TECPR2: variants seen among roughly 807,000 people sequenced by gnomAD.
TECPR2 encodes tectonin beta-propeller repeat containing 2, also known as tectonin beta-propeller repeat-containing protein 2.
Under a neutral mutation model 138.1 loss-of-function variants are expected in TECPR2, and 65 were observed. That is an observed-to-expected ratio of 0.47 (90% confidence interval 0.39 to 0.58). The LOEUF (loss-of-function observed/expected upper bound fraction) is 0.58. TECPR2 is among the 20% of genes least tolerant of loss of function. The pLI is 0.00. For synonymous variants in TECPR2, 746 were observed against 749.8 expected (o/e 0.99, Z 0.08); for missense variants, 1,553 against 1,824.5 (o/e 0.85, Z 2.71).
chr14:102,487,643 A>G (rs1261553473), intron 17 of TECPR2, among the ~76,000 whole-genome samples: 8 of 151,792 alleles, frequency 5.3e-5, no homozygotes, highest in Admixed American at 2.6e-4. Context: ...CCAGGTTCAC[A>G]CCATTCTCCT....
At chr14:102,418,032 G>A (rs1420022081) in intron 5 of TECPR2, among the ~76,000 whole-genome samples, 3 of 152,164 alleles carry the variant, frequency 2.0e-5, no homozygotes, top group Non-Finnish European at 4.4e-5. Context: ...CTGGGCCAGA[G>A]GTCAGGACAT....
chr14:102,457,977 G>A (rs940769080), intron 16 of TECPR2, among the ~76,000 whole-genome samples: 19 of 146,930 alleles, frequency 1.3e-4, no homozygotes, highest in African/African-American at 3.5e-4. Context: ...AGGTTCAAGC[G>A]ATTCTCCTGC....
intron 2 of TECPR2, among the ~76,000 whole-genome samples, chr14:102,395,035 G>T (rs1390470988): frequency 6.6e-6 from 1 of 152,068 alleles, no homozygotes; most frequent in Non-Finnish European, 1.5e-5. Context: ...ATCTTCAAGG[G>T]ATCCCCCTTT....
chr14:102,467,996 C>T (rs1368616672), intron 17 of TECPR2, among the ~76,000 whole-genome samples: 1 of 146,236 alleles, frequency 6.8e-6, no homozygotes, highest in African/African-American at 2.4e-5. Context: ...GCCTCCACGC[C>T]TGGCTATTTT....
At chr14:102,438,250 C>T (rs968043884) in intron 10 of TECPR2, 45 bp downstream of exon 10, 18 of 1,565,380 alleles carry the variant, frequency 1.1e-5, no homozygotes, top group East Asian at 2.3e-5. Flanking sequence ...TCCCGCTCGC[C>T]GCTCCTGCTC....
At chr14:102,428,520 G>A (rs1889388279) in intron 7 of TECPR2, 138 bp downstream of exon 7, 1 of 1,337,732 alleles carries the variant, frequency 7.5e-7, no homozygotes, top group Non-Finnish European at 1.0e-6. Context: ...CAGCACTTTG[G>A]GAGGCTGAGG....
chr14:102,415,176 A>G lies in TECPR2; in HGVS notation c.638+383A>G, dbSNP rs1888991518. ...ACTCGTTATTCAGCACGTGTTTACC[A>G]TGCACCCCTGTGCACTGTGGCAGGC... On this transcript the variant is annotated intron_variant, in intron 5 of 19. Transcript: ENST00000359520. This position sits in a 1 kb window ranked among gnomAD's most constrained non-coding sequence, Gnocchi z 4.3. 6.6e-6 allele frequency among the ~76,000 whole-genome samples: 1 copy of G among 152,170 alleles called. No homozygotes were observed. Among genetic ancestry groups the G allele is most frequent in the Admixed American group, 6.5e-5 (1 of 15,280 alleles).
chr14:102,435,963 T>TA (rs1264764198), intron 9 of TECPR2, among the ~76,000 whole-genome samples: 1 of 152,258 alleles, frequency 6.6e-6, no homozygotes, highest in Non-Finnish European at 1.5e-5. Context: ...GCTGCGCACT[T>TA]ACAGCCACGT....
intron 16 of TECPR2, among the ~76,000 whole-genome samples, chr14:102,453,730 T>G (rs1890209787): frequency 1.3e-5 from 2 of 151,530 alleles, no homozygotes; most frequent in South Asian, 2.1e-4. Flanking sequence ...GGCTTCCCAG[T>G]TTTTTTAACT....
chr14:102,492,090 G>A (rs1025630281), intron 17 of TECPR2, among the ~76,000 whole-genome samples: 1 of 152,204 alleles, frequency 6.6e-6, no homozygotes, highest in Non-Finnish European at 1.5e-5. Context: ...GGAAAGATGT[G>A]TCCAGAATGA....
At chr14:102,374,159 C>T (rs1887584688) in intron 1 of TECPR2, among the ~76,000 whole-genome samples, 1 of 151,522 alleles carries the variant, frequency 6.6e-6, no homozygotes, top group Admixed American at 6.6e-5. Context: ...ATTATTATTC[C>T]AGCATTGAAT....
intron 5 of TECPR2, among the ~76,000 whole-genome samples, chr14:102,418,797 CGG>C (rs1020089115): frequency 8.5e-5 from 13 of 152,094 alleles, no homozygotes; most frequent in Non-Finnish European, 1.8e-4. Context: ...GGTTGGTGGT[CGG>C]ACTGCTTCCA....
At chr14:102,453,426 G>A (rs1168168771) in intron 16 of TECPR2, among the ~76,000 whole-genome samples, 7 of 151,790 alleles carry the variant, frequency 4.6e-5, no homozygotes, top group Non-Finnish European at 8.8e-5. Flanking sequence ...GTTGCAGTGA[G>A]CCGAGATCAT....
At chr14:102,444,741 A>T (rs1044130905) in intron 12 of TECPR2, among the ~76,000 whole-genome samples, 19 of 152,198 alleles carry the variant, frequency 1.2e-4, no homozygotes, top group African/African-American at 3.6e-4. Flanking sequence ...TGGAAGGCCA[A>T]GGCAGGCGGA....
chr14:102,480,179 A>T (rs988027490), intron 17 of TECPR2, among the ~76,000 whole-genome samples: 34 of 150,824 alleles, frequency 2.3e-4, no homozygotes, highest in Non-Finnish European at 4.4e-5. Flanking sequence ...TGAATTCAGC[A>T]GGTCTGGGGT....
chr14:102,403,261 T>C (rs1449955642), intron 2 of TECPR2, among the ~76,000 whole-genome samples: 1 of 152,170 alleles, frequency 6.6e-6, no homozygotes, highest in Non-Finnish European at 1.5e-5. Flanking sequence ...ATATGCTGTT[T>C]TAACAAAATG....
chr14:102,417,422 A>G (rs1183040537), intron 5 of TECPR2, among the ~76,000 whole-genome samples: 1 of 152,184 alleles, frequency 6.6e-6, no homozygotes, highest in Non-Finnish European at 1.5e-5. Context: ...ACAATGAGAG[A>G]GACTGTCGGT....
At chr14:102,372,392 A>G (rs371531774) in intron 1 of TECPR2, among the ~76,000 whole-genome samples, 41 of 152,162 alleles carry the variant, frequency 2.7e-4, no homozygotes, top group African/African-American at 9.9e-4. Flanking sequence ...CAGCCTCCCA[A>G]GTGGCTGGGA....
intron 2 of TECPR2, among the ~76,000 whole-genome samples, chr14:102,377,492 G>A (rs1259548127): frequency 6.6e-6 from 1 of 152,154 alleles, no homozygotes; most frequent in African/African-American, 2.4e-5. Flanking sequence ...ATCACCTGAG[G>A]TCAGGAGTTC....
Sources: allele counts gnomAD v4.1 joint callset (sites outside exome capture counted in the v4.1 genomes callset), GRCh38; gene constraint gnomAD v4.1.1; non-coding constraint Gnocchi (gnomAD v3.1); transcripts MANE v1.5; gene names NCBI Gene and HGNC (gene_info 2026-07-23, HGNC 2026-07-21).